The following SLC2A9 variants were observed in gnomAD, a reference collection of about 807,000 sequenced individuals.
SLC2A9 encodes the protein solute carrier family 2 member 9.
A neutral mutation model predicts 50.6 loss-of-function variants in SLC2A9; 39 were observed. That is an observed-to-expected ratio of 0.77 (90% confidence interval 0.60 to 1.01). SLC2A9 has a LOEUF of 1.01. Among genes scored for constraint, SLC2A9 ranks in the 50% least tolerant of loss-of-function variants. SLC2A9 has a pLI of 0.00. For synonymous variants in SLC2A9, 324 were observed against 276.9 expected (o/e 1.17, Z -1.69); for missense variants, 686 against 677.6 (o/e 1.01, Z -0.14).
intron 6 of SLC2A9, among the ~76,000 whole-genome samples, chr4:9,935,666 T>C (rs189690094): frequency 6.6e-6 from 1 of 152,212 alleles, no homozygotes; most frequent in Non-Finnish European, 1.5e-5. Flanking sequence ...TCAACAAGAT[T>C]GCTGTCCAAG....
chr4:9,990,318 C>T (rs905213079), intron 3 of SLC2A9, among the ~76,000 whole-genome samples: 2 of 152,162 alleles, frequency 1.3e-5, no homozygotes, highest in Non-Finnish European at 2.9e-5. Context: ...TTCCACCCAT[C>T]CTTCCATTTA....
chr4:9,995,951 A>T (rs938254782), intron 3 of SLC2A9: 2 of 152,408 alleles, frequency 1.3e-5, no homozygotes, highest in Non-Finnish European at 2.9e-5. Context: ...CTTTCCACAC[A>T]CTGCTCACTG....
intron 1 of SLC2A9, chr4:10,034,566 C>T (rs11727199): frequency 0.43 from 65,181 of 152,184 alleles, 15,567 homozygotes; most frequent in South Asian, 0.59. Context: ...GTGCAGGACT[C>T]GCGGCCAGGC....
chr4:9,909,638 A>G (rs1394501986), intron 7 of SLC2A9, among the ~76,000 whole-genome samples: 4 of 152,238 alleles, frequency 2.6e-5, no homozygotes, highest in Non-Finnish European at 5.9e-5. Flanking sequence ...ATGAGGTGTC[A>G]GGAACTGGGT....
chr4:9,880,323 G>A lies in SLC2A9; in HGVS notation c.1291+7244C>T, dbSNP rs1041643167. On this transcript the variant is annotated intron_variant, in intron 10 of 11. Transcript: ENST00000264784. ...GGCCCAGGTGCTGGGTCAACACAGGGGGTTGAAGATGGATTGAGGAAGCGG... is the reference window on the plus strand; with the variant it reads ...GGCCCAGGTGCTGGGTCAACACAGGAGGTTGAAGATGGATTGAGGAAGCGG... 3 of 985,444 alleles carry A rather than the reference G, an allele frequency of 3.0e-6. No individual in the cohort carries two copies. In the African/African-American group the frequency reaches 5.2e-5, roughly 17 times the overall value. 61.0% of individuals were successfully genotyped at this position (985,444 alleles called of 1,614,324 possible). A position where few individuals can be genotyped will look rare whatever the true frequency, so the allele number is the denominator to read the frequency against.
intron 5 of SLC2A9, among the ~76,000 whole-genome samples, chr4:9,962,729 A>T (rs1345237069): frequency 6.6e-6 from 1 of 152,150 alleles, no homozygotes; most frequent in Non-Finnish European, 1.5e-5. Flanking sequence ...AATAAAACTT[A>T]AAAAAGGAAG....
intron 8 of SLC2A9, among the ~76,000 whole-genome samples, chr4:9,902,915 TTGAG>T (rs1483343094): frequency 6.6e-6 from 1 of 152,222 alleles, no homozygotes; most frequent in Non-Finnish European, 1.5e-5. Context: ...TGAACATTTA[TTGAG>T]TATGTTCTCT....
intron 7 of SLC2A9, among the ~76,000 whole-genome samples, chr4:9,910,401 CT>C (rs1466654098): frequency 6.2e-4 from 94 of 152,338 alleles, no homozygotes; most frequent in African/African-American, 2.0e-3. Flanking sequence ...TATACAATTG[CT>C]TCCCCTTTAG....
chr4:9,900,938 T>C (rs13151822), intron 8 of SLC2A9, among the ~76,000 whole-genome samples: 60,725 of 152,116 alleles, frequency 0.4, 14,186 homozygotes, highest in Non-Finnish European at 0.52. Context: ...CACATGGGGA[T>C]TGTGGGAACT....
At chr4:9,980,838 A>G in intron 4 of SLC2A9, 101 bp from the exon 5 acceptor site, 1 of 1,484,630 alleles carries the variant, frequency 6.7e-7, no homozygotes. Flanking sequence ...CCTGGACATT[A>G]AATAGCACTG....
At chr4:9,931,723 G>A (rs576243213) in intron 6 of SLC2A9, among the ~76,000 whole-genome samples, 10 of 151,882 alleles carry the variant, frequency 6.6e-5, no homozygotes, top group East Asian at 1.9e-4. Flanking sequence ...GCCATTATCC[G>A]GCAGCTTGTG....
At chr4:9,838,673 C>T (rs1328244120) in intron 10 of SLC2A9, among the ~76,000 whole-genome samples, 3 of 152,098 alleles carry the variant, frequency 2.0e-5, no homozygotes, top group Non-Finnish European at 4.4e-5. Flanking sequence ...ACCAATGGAA[C>T]AAAATAGAGA....
chr4:9,852,675 A>G (rs1730157433), intron 10 of SLC2A9, among the ~76,000 whole-genome samples: 1 of 152,230 alleles, frequency 6.6e-6, no homozygotes. Flanking sequence ...ATTCATTACC[A>G]CCAGATCTGC....
At chr4:10,025,599 A>G (rs1004913683), upstream of SLC2A9, 1 of 373,526 alleles carries the variant, frequency 2.7e-6, no homozygotes, top group African/African-American at 2.1e-5. Flanking sequence ...AACGATGATG[A>G]CATAATCATT....
chr4:9,987,309 G>A (rs942343807), intron 3 of SLC2A9, among the ~76,000 whole-genome samples: 4 of 152,008 alleles, frequency 2.6e-5, no homozygotes, highest in East Asian at 1.9e-4. Context: ...TAGTAGAGAC[G>A]GGGTTTCACC....
chr4:10,030,552 G>A (rs1299789771), intron 1 of SLC2A9, among the ~76,000 whole-genome samples: 2 of 152,026 alleles, frequency 1.3e-5, no homozygotes, highest in Non-Finnish European at 2.9e-5. Flanking sequence ...TCAGGGTGGG[G>A]GTGATAGGCC....
At chr4:9,905,871 T>C (rs1383589032) in intron 8 of SLC2A9, among the ~76,000 whole-genome samples, 2 of 152,172 alleles carry the variant, frequency 1.3e-5, no homozygotes, top group Admixed American at 6.5e-5. Context: ...ATGTTCTCTT[T>C]CCCCACTCTC....
At chr4:9,795,179 A>T (rs1359913276), downstream of SLC2A9, among the ~76,000 whole-genome samples, 1 of 151,570 alleles carries the variant, frequency 6.6e-6, no homozygotes, top group African/African-American at 2.4e-5. Context: ...CTCAGCTAGC[A>T]TTTTTGTATT....
intron 10 of SLC2A9, among the ~76,000 whole-genome samples, chr4:9,836,088 CAAAAAAAA>C (rs35303241): frequency 3.1e-4 from 15 of 48,220 alleles, no homozygotes; most frequent in Non-Finnish European, 5.2e-4. Flanking sequence ...AACTCCCTCT[CAAAAAAAA>C]AAAAAAAAAA....
Sources: gnomAD v4.1 joint callset for allele counts (sites outside exome capture counted in the v4.1 genomes callset) on GRCh38, gnomAD v4.1.1 for gene constraint, MANE v1.5 for transcripts, NCBI Gene and HGNC (gene_info 2026-07-23, HGNC 2026-07-21) for gene names.